LOC128462377: variants seen among roughly 807,000 people sequenced by gnomAD.
chr16:89,365,766 A>T, the LOC128462377 span, among the ~76,000 whole-genome samples: 2 of 152,018 alleles, frequency 1.3e-5, no homozygotes, highest in African/African-American at 4.8e-5. Context: ...ACGTAGGTAA[A>T]CTTGTGTCAT....
At chr16:89,411,677 G>A in the LOC128462377 span, among the ~76,000 whole-genome samples, 6 of 152,264 alleles carry the variant, frequency 3.9e-5, no homozygotes, top group African/African-American at 1.2e-4. Flanking sequence ...GCCTCCCAGA[G>A]TGCTGGGATT....
At chr16:89,325,595 C>T in the LOC128462377 span, among the ~76,000 whole-genome samples, 1 of 152,182 alleles carries the variant, frequency 6.6e-6, no homozygotes, top group African/African-American at 2.4e-5. Flanking sequence ...GACAAGACAT[C>T]CGCGAAGCGT....
chr16:89,381,233 G>A, the LOC128462377 span, among the ~76,000 whole-genome samples: 1 of 151,666 alleles, frequency 6.6e-6, no homozygotes, highest in Non-Finnish European at 1.5e-5. Flanking sequence ...TGGGGAGGCT[G>A]AGGCAGGAGA....
the LOC128462377 span, among the ~76,000 whole-genome samples, chr16:89,403,933 A>G: frequency 6.6e-6 from 1 of 152,186 alleles, no homozygotes; most frequent in East Asian, 1.9e-4. Context: ...TTAAAAAAGC[A>G]AAACAACAAC....
the LOC128462377 span, among the ~76,000 whole-genome samples, chr16:89,361,243 G>A: frequency 2.6e-5 from 4 of 152,146 alleles, no homozygotes; most frequent in East Asian, 1.9e-4. Context: ...TCTTCCTCCC[G>A]CAGAGGGCCT....
At chr16:89,398,455 T>G in the LOC128462377 span, among the ~76,000 whole-genome samples, 1 of 90,608 alleles carries the variant, frequency 1.1e-5, no homozygotes, top group Non-Finnish European at 2.5e-5. Flanking sequence ...CAGCTGAAGA[T>G]TACCTGTAAC....
the LOC128462377 span, among the ~76,000 whole-genome samples, chr16:89,379,325 T>C: frequency 1.3e-5 from 2 of 152,350 alleles, no homozygotes; most frequent in Admixed American, 1.3e-4. Flanking sequence ...AACAATTTTA[T>C]AAAATAATTT....
the LOC128462377 span, among the ~76,000 whole-genome samples, chr16:89,393,485 A>C: frequency 7.8e-6 from 1 of 128,478 alleles, no homozygotes; most frequent in Non-Finnish European, 1.6e-5. Flanking sequence ...CACCATATCC[A>C]GCTGCTTTTT....
chr16:89,404,323 G>C, the LOC128462377 span, among the ~76,000 whole-genome samples: 1 of 152,154 alleles, frequency 6.6e-6, no homozygotes, highest in African/African-American at 2.4e-5. Context: ...TGTAACTAAG[G>C]AAAATGGAAG....
chr16:89,398,308 AG>A, the LOC128462377 span, among the ~76,000 whole-genome samples: 206 of 146,762 alleles, frequency 1.4e-3, 1 homozygote, highest in African/African-American at 5.0e-3. Context: ...GGCTGACATG[AG>A]GGACACTGTG....
the LOC128462377 span, among the ~76,000 whole-genome samples, chr16:89,332,727 T>A: frequency 6.6e-6 from 1 of 152,136 alleles, no homozygotes; most frequent in African/African-American, 2.4e-5. Flanking sequence ...TGCACTGCCC[T>A]CTCTGAGGAA....
chr16:89,386,510 T>C, the LOC128462377 span, among the ~76,000 whole-genome samples: 3 of 151,934 alleles, frequency 2.0e-5, no homozygotes, highest in African/African-American at 7.3e-5. Context: ...CATGAGGGTG[T>C]GGGGGAAAGG....
At chr16:89,341,879 C>G in the LOC128462377 span, among the ~76,000 whole-genome samples, 2 of 144,094 alleles carry the variant, frequency 1.4e-5, no homozygotes, top group Non-Finnish European at 3.1e-5. Context: ...CCACGGCCCA[C>G]GGCAGGAGTG....
chr16:89,387,678 T>TA, the LOC128462377 span, among the ~76,000 whole-genome samples: 5 of 41,706 alleles, frequency 1.2e-4, no homozygotes, highest in Non-Finnish European at 2.4e-4. Flanking sequence ...ATCTCAAAAA[T>TA]AAAAAAAGAA....
the LOC128462377 span, among the ~76,000 whole-genome samples, chr16:89,321,416 CTGTGGGGCGGGGCCTGCAGGGCAGGG>C: frequency 4.5e-4 from 46 of 101,120 alleles, no homozygotes; most frequent in South Asian, 1.1e-3. Flanking sequence ...GGGGAGGGGA[CTGTGGGGCGGGGCCTGCAGGGCAGGG>C]TGTGGGGCGG....
At chr16:89,337,790 G>A in the LOC128462377 span, among the ~76,000 whole-genome samples, 1 of 152,126 alleles carries the variant, frequency 6.6e-6, no homozygotes, top group Non-Finnish European at 1.5e-5. Context: ...TTTCCTAGGT[G>A]GAAAGCAAGT....
chr16:89,359,997 A>G, the LOC128462377 span, among the ~76,000 whole-genome samples: 2 of 151,988 alleles, frequency 1.3e-5, no homozygotes, highest in African/African-American at 4.8e-5. Flanking sequence ...GTGTTATTCT[A>G]TCACCCAGTA....
the LOC128462377 span, among the ~76,000 whole-genome samples, chr16:89,383,689 C>T: frequency 6.6e-6 from 1 of 151,616 alleles, no homozygotes; most frequent in Admixed American, 6.6e-5. Context: ...CAGCAGACGT[C>T]CAGCCCCTGC....
the LOC128462377 span, among the ~76,000 whole-genome samples, chr16:89,372,074 T>G: frequency 6.6e-6 from 1 of 152,196 alleles, no homozygotes; most frequent in Non-Finnish European, 1.5e-5. Flanking sequence ...CCAGGTGGAC[T>G]GAGGAACCAC....
Sources: gnomAD v4.1 joint callset for allele counts (sites outside exome capture counted in the v4.1 genomes callset) on GRCh38, gnomAD v4.1.1 for gene constraint, MANE v1.5 for transcripts.